ATP6V1E2: variants seen among roughly 807,000 people sequenced by gnomAD.
ATP6V1E2 encodes V-type proton ATPase subunit E 2.
For missense variants in ATP6V1E2, 308 were observed against 273.3 expected (o/e 1.13, Z -0.90); for synonymous variants, 121 against 104.2 (o/e 1.16, Z -0.98).
At chr2:46,518,891 A>G (rs1483458819) in intron 4 of ATP6V1E2, 1 of 151,966 alleles carries the variant, frequency 6.6e-6, no homozygotes, top group African/African-American at 2.4e-5. Flanking sequence ...TACAAGGTCT[A>G]GGAAGCCCCA....
intron 4 of ATP6V1E2, chr2:46,519,460 G>C (rs1323813589): frequency 1.3e-5 from 2 of 152,252 alleles, no homozygotes; most frequent in Non-Finnish European, 2.9e-5. Context: ...GGGATGCTGT[G>C]TTCCAGCTCA....
chr2:46,533,127 TATATTATATACCTAAC>T (rs1383030545), intron 4 of ATP6V1E2, among the ~76,000 whole-genome samples: 2 of 149,172 alleles, frequency 1.3e-5, no homozygotes, highest in African/African-American at 4.9e-5. Context: ...TATCTAATGT[TATATTATATACCTAAC>T]ATATTATATA....
Position 46,512,077 on chromosome 2 carries a change from C to A in ATP6V1E2, c.635G>T (p.Arg212Leu), listed in dbSNP as rs149758859. The change falls in exon 5 of 5, where the codon CGA (arginine) becomes CTA (leucine). Residue 212 changes from arginine (R) to leucine (L), a missense_variant. Arg to Leu is a moderately radical substitution (Grantham distance 102). Coordinates refer to ENST00000522587, the MANE Select transcript of ATP6V1E2 (RefSeq NM_001318063.2). ...GGTGTTAGCACCAAACAAGGCCATT[C>A]GTATTTCTGGCATCTTTTGCTTGGC... is the stretch of plus-strand genomic sequence containing the variant. ...LSAKQKMPEI[R>L]MALFGANTNR... 2.3e-4 allele frequency: 363 copies of A among 1,612,544 alleles called. No individual in the cohort carries two copies. Among genetic ancestry groups the A allele is most frequent in the Non-Finnish European group, 2.2e-4 (255 of 1,179,252 alleles).
At chr2:46,539,961 T>C (rs536942605) in intron 2 of ATP6V1E2, among the ~76,000 whole-genome samples, 126 of 152,346 alleles carry the variant, frequency 8.3e-4, no homozygotes, top group African/African-American at 2.9e-3. Context: ...GTTCCTTGAA[T>C]GGTTTAGCTA....
At chr2:46,541,962 T>C (rs1165964002) in intron 1 of ATP6V1E2, 1 of 152,264 alleles carries the variant, frequency 6.6e-6, no homozygotes, top group Non-Finnish European at 1.5e-5. Flanking sequence ...GGAGCCCAGG[T>C]ACATTTGCCG....
Position 46,511,982 on chromosome 2 carries a change from T to C in ATP6V1E2, c.*49A>G. The C allele has an allele frequency of 1.3e-6, 2 of 1,506,132 alleles. No homozygotes were observed. The highest frequency in any genetic ancestry group is 1.8e-6 in the Non-Finnish European group (2 of 1,128,018). 93.3% of individuals were successfully genotyped at this position (1,506,132 alleles called of 1,614,324 possible). On this transcript the variant is annotated 3_prime_UTR_variant, in exon 5 of 5. Transcript: ENST00000522587. The stretch of plus-strand genomic sequence containing the variant: ...ACTAGTTTCCTTTCCCCAAAAAACT[T>C]AAACTTTTATGGTTTAGTGGTTCAA...
intron 4 of ATP6V1E2, among the ~76,000 whole-genome samples, chr2:46,521,952 A>C (rs369447359): frequency 1.2e-4 from 18 of 152,066 alleles, no homozygotes; most frequent in Admixed American, 7.9e-4. Context: ...AGCCTCCCAA[A>C]GTGCTGGGAT....
chr2:46,532,565 TG>T (rs1667235808), intron 4 of ATP6V1E2, among the ~76,000 whole-genome samples: 1 of 152,164 alleles, frequency 6.6e-6, no homozygotes, highest in Non-Finnish European at 1.5e-5. Context: ...GTGGAAACTT[TG>T]GGAGGTAATT....
At chr2:46,539,110 A>C (rs1667592448) in intron 2 of ATP6V1E2, among the ~76,000 whole-genome samples, 1 of 152,218 alleles carries the variant, frequency 6.6e-6, no homozygotes, top group Non-Finnish European at 1.5e-5. Context: ...TTACATTATA[A>C]AAACATTTAG....
chr2:46,528,053 T>C (rs1382018680), intron 4 of ATP6V1E2: 3 of 152,116 alleles, frequency 2.0e-5, no homozygotes, highest in Non-Finnish European at 4.4e-5. Flanking sequence ...CATCACTGAA[T>C]AAAAAGAAAT....
intron 4 of ATP6V1E2, among the ~76,000 whole-genome samples, chr2:46,527,073 CTTTT>C (rs572439408): frequency 1.2e-3 from 180 of 151,974 alleles, no homozygotes; most frequent in African/African-American, 3.9e-3. Context: ...TTTTTTCTTT[CTTTT>C]GTGTCTTGGC....
chr2:46,533,224 T>C (rs202239677), intron 4 of ATP6V1E2, among the ~76,000 whole-genome samples: 34,190 of 150,304 alleles, frequency 0.23, 4,597 homozygotes, highest in East Asian at 0.66. Flanking sequence ...GATAGATAGA[T>C]AGATAGATAG....
Position 46,512,732 on chromosome 2 carries a change from G to C in ATP6V1E2, c.-21C>G, listed in dbSNP as rs768941974. 2 of 1,590,710 alleles carry C rather than the reference G, an allele frequency of 1.3e-6. No individual in the cohort carries two copies. Among genetic ancestry groups the C allele is most frequent in the Non-Finnish European group, 1.7e-6 (2 of 1,170,046 alleles). The stretch of plus-strand genomic sequence containing the variant: ...GCCATGGCTGCTCTCAGAGGGGACG[G>C]CAGAGAGGGAGCTCGTACACCGTTT... On this transcript the variant is annotated 5_prime_UTR_variant, in exon 5 of 5. Coordinates refer to ENST00000522587, the MANE Select transcript of ATP6V1E2 (RefSeq NM_001318063.2).
chr2:46,518,205 T>A (rs527610941), intron 4 of ATP6V1E2, among the ~76,000 whole-genome samples: 2 of 152,312 alleles, frequency 1.3e-5, no homozygotes, highest in African/African-American at 4.8e-5. Flanking sequence ...ACAACATAGA[T>A]GGACTTTGAG....
intron 4 of ATP6V1E2, among the ~76,000 whole-genome samples, chr2:46,529,082 G>A (rs1483385158): frequency 6.6e-6 from 1 of 152,232 alleles, no homozygotes; most frequent in Non-Finnish European, 1.5e-5. Context: ...GCCCTTCAGA[G>A]GCAGCTGGCT....
chr2:46,531,360 C>A (rs1667172575), intron 4 of ATP6V1E2, among the ~76,000 whole-genome samples: 1 of 152,198 alleles, frequency 6.6e-6, no homozygotes, highest in South Asian at 2.1e-4. Context: ...GCTGTCAGTA[C>A]TTCATTACTT....
chr2:46,525,484 A>AAAAAAAAG (rs1420336137), intron 4 of ATP6V1E2, among the ~76,000 whole-genome samples: 59 of 148,942 alleles, frequency 4.0e-4, no homozygotes, highest in African/African-American at 1.4e-3. Context: ...AAAGAAAAAA[A>AAAAAAAAG]AAAAAGAAAG....
rs10546147 is a variant in ATP6V1E2 at position 46,518,490 on chromosome 2, A to AACAC, written c.-101-5682_-101-5679dup. Among the ~76,000 whole-genome samples the AACAC allele has an allele frequency of 7.2e-3, 1,018 of 140,990 alleles. 19 individuals carry two copies. The highest frequency in any genetic ancestry group is 0.049 in the South Asian group (210 of 4,294). The allele number at this position is 140,990 out of a possible 152,430, so 92.5% of individuals were successfully genotyped here. On this transcript the variant is annotated intron_variant, in intron 4 of 4. Coordinates refer to ENST00000522587, the MANE Select transcript of ATP6V1E2 (RefSeq NM_001318063.2). ...AAACATTTGTTACACACACACACAC[A>AACAC]ACACACACACACACACACACACACA... is the stretch of plus-strand genomic sequence containing the variant.
intron 2 of ATP6V1E2, among the ~76,000 whole-genome samples, chr2:46,541,116 A>C (rs531750964): frequency 1.3e-5 from 2 of 152,340 alleles, no homozygotes; most frequent in South Asian, 4.1e-4. Flanking sequence ...GAGTCCCTGC[A>C]AATGCTGCCT....
Sources: gnomAD v4.1 joint callset for allele counts (sites outside exome capture counted in the v4.1 genomes callset) on GRCh38, gnomAD v4.1.1 for gene constraint, MANE v1.5 for transcripts, NCBI Gene and HGNC (gene_info 2026-07-23, HGNC 2026-07-21) for gene names.